Variants in SYF2 observed in about 807,000 individuals in gnomAD.
SYF2 encodes the protein SYF2 pre-mRNA splicing factor.
A neutral mutation model predicts 32.7 loss-of-function variants in SYF2; 21 were observed. The observed-to-expected ratio is 0.64, with a 90% CI of 0.45 to 0.92. The LOEUF is 0.92. SYF2 is among the 40% of genes least tolerant of loss of function. SYF2 has a pLI of 0.00. For synonymous variants in SYF2, 114 were observed against 103.9 expected (o/e 1.10, Z -0.59); for missense variants, 278 against 296.5 (o/e 0.94, Z 0.46).
chr1:25,224,834 C>T (rs914021314), intron 6 of SYF2, among the ~76,000 whole-genome samples, 168 bp downstream of exon 6: 2 of 152,182 alleles, frequency 1.3e-5, no homozygotes, highest in African/African-American at 4.8e-5. Flanking sequence ...TCAACCCACA[C>T]TTGCTATCCA....
chr1:25,225,188 G>A (rs1395433955), intron 5 of SYF2, 88 bp from the exon 6 acceptor site: 1 of 853,182 alleles, frequency 1.2e-6, no homozygotes, highest in East Asian at 2.4e-5. Flanking sequence ...TGATAAGAAA[G>A]TATACACATA....
chr1:25,227,500 G>A lies in SYF2; in HGVS notation c.409C>T (p.Arg137Trp), dbSNP rs879020192. 19 of 1,613,538 alleles carry A rather than the reference G, an allele frequency of 1.2e-5. No homozygotes were observed. The highest frequency in any genetic ancestry group is 5.3e-5 in the African/African-American group (4 of 74,864). The change falls in exon 5 of 7, where the codon CGG (arginine) becomes TGG (tryptophan). Residue 137 changes from arginine (R) to tryptophan (W), a missense_variant. By Grantham distance (101) the Arg-to-Trp change is moderately radical (BLOSUM62 -3). Coordinates refer to ENST00000236273, the MANE Select transcript of SYF2 (RefSeq NM_015484.5). The part of the protein sequence containing the change: ...YAAAQLRQYH[R>W]LTKQIKPDME... Reference sequence around the variant, plus strand: ...TCAGGTTTGATCTGCTTGGTCAACCGATGATACTGGCGTAACTGGGCAGCA... The same window carrying A: ...TCAGGTTTGATCTGCTTGGTCAACCAATGATACTGGCGTAACTGGGCAGCA...
At chr1:25,229,178 A>T in intron 2 of SYF2, 55 bp from the exon 3 acceptor site, 1 of 1,586,022 alleles carries the variant, frequency 6.3e-7, no homozygotes. Context: ...AAATCCAGAT[A>T]CACCTTGCCT....
intron 2 of SYF2, chr1:25,230,211 C>A (rs1638599266): frequency 6.6e-6 from 1 of 152,086 alleles, no homozygotes. Context: ...TTTCCAAGTT[C>A]CCCTCCTTTT....
chr1:25,231,842 T>C (rs71652357), intron 2 of SYF2: 86 of 556,734 alleles, frequency 1.5e-4, no homozygotes, highest in South Asian at 4.6e-4. Context: ...TTGTTAGTAA[T>C]GGAGACTCCC....
chr1:25,229,248 AATAGAGAGCC>A, intron 2 of SYF2, 125 bp from the exon 3 acceptor site: 1 of 1,149,800 alleles, frequency 8.7e-7, no homozygotes, highest in Non-Finnish European at 1.2e-6. Flanking sequence ...TCCTAAAAGC[AATAGAGAGCC>A]ATCACAGGAT....
In SYF2 at chr1:25,225,483, G is replaced by A. The variant is rs149930043; in HGVS notation, c.468-383C>T. 6.5e-3 allele frequency among the ~76,000 whole-genome samples: 945 copies of A among 146,404 alleles called. 16 individuals are homozygous for A. The highest frequency in any genetic ancestry group is 0.023 in the African/African-American group (895 of 39,654). ...GTGGAGGCTGCAGCGAGCCAAGATC[G>A]CCCCACTGTGCTCCAGCTTGGGCGA... On this transcript the variant is annotated intron_variant, in intron 5 of 6. Transcript: ENST00000236273.
At chr1:25,229,639 G>A in intron 2 of SYF2, among the ~76,000 whole-genome samples, 1 of 152,086 alleles carries the variant, frequency 6.6e-6, no homozygotes, top group East Asian at 1.9e-4. Context: ...GCGAGGCATG[G>A]TGGTGCACAC....
At position 25,227,911 on chromosome 1, in the gene SYF2, C is replaced by T. The variant is rs75910937; in HGVS notation, c.376+207G>A. 5.8e-3 allele frequency among the ~76,000 whole-genome samples: 882 copies of T among 152,302 alleles called. 14 individuals are homozygous for T. The highest frequency in any genetic ancestry group is 0.02 in the African/African-American group (851 of 41,568). The stretch of plus-strand genomic sequence containing the variant: ...ACAAACAGACTTTGATAAATTTTAT[C>T]ATCAAGTATTTAAAAACCTGGCTAA... On this transcript the variant is annotated intron_variant, in intron 4 of 6. Transcript: ENST00000236273.
chr1:25,229,664 A>G (rs1638588341), intron 2 of SYF2, among the ~76,000 whole-genome samples: 1 of 151,610 alleles, frequency 6.6e-6, no homozygotes, highest in South Asian at 2.1e-4. Context: ...AATCCTAGCT[A>G]CTCGGGAGGC....
At chr1:25,230,538 C>G (rs1312664583) in intron 2 of SYF2, 1 of 152,130 alleles carries the variant, frequency 6.6e-6, no homozygotes, top group Admixed American at 6.5e-5. Flanking sequence ...AACTTTCCCT[C>G]GGCAAAGAGA....
intron 2 of SYF2, among the ~76,000 whole-genome samples, chr1:25,229,951 G>A (rs2124513235): frequency 6.6e-6 from 1 of 152,256 alleles, no homozygotes; most frequent in African/African-American, 2.4e-5. Context: ...CGAGTAGCTG[G>A]GGTTACAAGC....
chr1:25,225,076 G>T lies in SYF2; in HGVS notation c.492C>A (p.Ser164=), dbSNP rs1049543135. 1.9e-6 allele frequency: 3 copies of T among 1,613,744 alleles called. No homozygotes were observed. In the African/African-American group the frequency reaches 4.0e-5, roughly 22 times the overall value. The part of the protein sequence containing the change: ...EKHGEEFFPT[S]NSLLHGTHVP... ...CATGTGTTCCATGAAGAAGACTATT[G>T]GATGTTGGGAAAAACTCTTCTCCAC... The change falls in exon 6 of 7, where the codon TCC becomes TCA. Residue 164 remains serine, a synonymous_variant. Coordinates refer to ENST00000236273, the MANE Select transcript of SYF2 (RefSeq NM_015484.5).
intron 3 of SYF2, 106 bp downstream of exon 3, chr1:25,228,892 C>A (rs1212747265): frequency 5.0e-6 from 7 of 1,391,142 alleles, no homozygotes; most frequent in Non-Finnish European, 4.9e-6. Context: ...AATTTCAATT[C>A]TGGCAGCTTG....
chr1:25,228,234 T>C lies in SYF2; in HGVS notation c.260A>G (p.Glu87Gly), dbSNP rs778556535. 6.2e-7 allele frequency: 1 copy of C among 1,610,086 alleles called. No individual in the cohort carries two copies. Among genetic ancestry groups the C allele is most frequent in the South Asian group, 1.1e-5 (1 of 90,732 alleles). Reference protein sequence around the residue: ...WELKEEEKKKECAARGEDYEK... With the variant: ...WELKEEEKKKGCAARGEDYEK... ...ATAGTCTTCTCCTCTTGCCGCACAT[T>C]CCTAAAAAGAAGAAAAAAGCTGACA... is the stretch of plus-strand genomic sequence containing the variant. Residue 87 changes from glutamate to glycine, a missense_variant and splice_region_variant, in exon 4 of 7, where the codon GAA (glutamate) becomes GGA (glycine). Transcript: ENST00000236273.
At chr1:25,225,985 A>C (rs543944726) in intron 5 of SYF2, among the ~76,000 whole-genome samples, 1 of 151,516 alleles carries the variant, frequency 6.6e-6, no homozygotes, top group African/African-American at 2.4e-5. Context: ...GTGAAACCCC[A>C]TCTCTACTAA....
intron 4 of SYF2, 44 bp downstream of exon 4, chr1:25,228,074 G>T (rs768014036): frequency 5.1e-5 from 75 of 1,484,166 alleles, no homozygotes; most frequent in Non-Finnish European, 6.8e-5. Context: ...TGAAGGAAAT[G>T]ACTAACAGCC....
At position 25,227,439 on chromosome 1, in the gene SYF2, T is replaced by TA; in HGVS notation, c.467+2dup. ...CATCACCTCAGGTTGAAAAAGGACT[T>TA]ACTGTTTTTCTCTCAGTCTCTCATA... On this transcript the variant is annotated splice_region_variant and intron_variant, in intron 5 of 6. Transcript: ENST00000236273. 6.2e-7 allele frequency: 1 copy of TA among 1,612,334 alleles called. No individual in the cohort carries two copies. Among genetic ancestry groups the TA allele is most frequent in the Non-Finnish European group, 8.5e-7 (1 of 1,179,134 alleles).
chr1:25,232,067 A>G, intron 2 of SYF2, 37 bp downstream of exon 2: 1 of 1,597,004 alleles, frequency 6.3e-7, no homozygotes, highest in Non-Finnish European at 8.5e-7. Context: ...AGGCTTGGCC[A>G]GATGACGGAT....
Sources: allele counts gnomAD v4.1 joint callset (sites outside exome capture counted in the v4.1 genomes callset), GRCh38; gene constraint gnomAD v4.1.1; transcripts MANE v1.5; gene names NCBI Gene and HGNC (gene_info 2026-07-23, HGNC 2026-07-21).